The following SNTG1 variants were observed in gnomAD, a reference collection of about 807,000 sequenced individuals.
SNTG1 encodes gamma-1-syntrophin.
Under a neutral mutation model 74.7 loss-of-function variants are expected in SNTG1, and 39 were observed. That is an observed-to-expected ratio of 0.52 (90% CI 0.40 to 0.68). The LOEUF (loss-of-function observed/expected upper bound fraction) is 0.68, where lower values mean the gene tolerates loss of function less well. Ranked by LOEUF, SNTG1 falls within the 30% of genes least tolerant of loss-of-function variation. The probability of loss-of-function intolerance (pLI) is 0.00; values close to 1 mark genes in which losing one functional copy is unlikely to be tolerated. For synonymous variants in SNTG1, 254 were observed against 217.1 expected (o/e 1.17, Z -1.49); for missense variants, 685 against 609.5 (o/e 1.12, Z -1.30).
At chr8:50,194,506 T>C (rs2131805263) in intron 2 of SNTG1, among the ~76,000 whole-genome samples, 1 of 152,284 alleles carries the variant, frequency 6.6e-6, no homozygotes, top group Non-Finnish European at 1.5e-5. Context: ...GTGGTGTCAG[T>C]TGTAATATCT....
chr8:50,562,359 G>C (rs2094493402), intron 12 of SNTG1, among the ~76,000 whole-genome samples: 1 of 152,218 alleles, frequency 6.6e-6, no homozygotes, highest in Non-Finnish European at 1.5e-5. Flanking sequence ...TTCTCTACAA[G>C]TGTAAGAAGT....
At chr8:49,946,770 C>G (rs538325681) in intron 1 of SNTG1, among the ~76,000 whole-genome samples, 1 of 152,054 alleles carries the variant, frequency 6.6e-6, no homozygotes, top group African/African-American at 2.4e-5. Flanking sequence ...TAGACAAAAT[C>G]TAAATCATGA....
rs140101176 is a variant in SNTG1 at position 50,768,882 on chromosome 8, A to G, written c.1395+16771A>G. On this transcript the variant is annotated intron_variant, in intron 18 of 18. Transcript: ENST00000642720. ...CATTTGTGCAGGTGTGTGTTTGTGT[A>G]TAACTTCCATAATAGCTTATTTTAT... Among the ~76,000 whole-genome samples, 66 of 152,144 alleles carry G rather than the reference A, an allele frequency of 4.3e-4. No homozygotes were observed. In the East Asian group the frequency reaches 6.8e-3, roughly 16 times the overall value.
At chr8:50,187,025 T>G (rs1363820181) in intron 2 of SNTG1, among the ~76,000 whole-genome samples, 2 of 152,118 alleles carry the variant, frequency 1.3e-5, no homozygotes, top group Non-Finnish European at 2.9e-5. Flanking sequence ...GGTTTTACAT[T>G]TAAGTCTTTA....
At chr8:50,467,147 A>G (rs2093614931) in intron 8 of SNTG1, among the ~76,000 whole-genome samples, 3 of 151,874 alleles carry the variant, frequency 2.0e-5, no homozygotes, top group African/African-American at 7.2e-5. Context: ...GCTTTTAAAA[A>G]CTTTTGTGGG....
At chr8:50,598,560 G>A (rs1052632811) in intron 13 of SNTG1, among the ~76,000 whole-genome samples, 1 of 151,744 alleles carries the variant, frequency 6.6e-6, no homozygotes, top group African/African-American at 2.4e-5. Flanking sequence ...TTGACTACTG[G>A]GAGTCTTTTA....
intron 1 of SNTG1, among the ~76,000 whole-genome samples, chr8:49,942,851 C>T (rs889499229): frequency 1.6e-4 from 24 of 152,138 alleles, no homozygotes; most frequent in African/African-American, 2.7e-4. Flanking sequence ...AATGTTTGTC[C>T]GGTTTCTCCT....
chr8:50,205,313 A>AT (rs2084169567), intron 2 of SNTG1, among the ~76,000 whole-genome samples: 1 of 152,198 alleles, frequency 6.6e-6, no homozygotes, highest in Non-Finnish European at 1.5e-5. Flanking sequence ...CATTTCTCTG[A>AT]TGGCCAATGA....
At chr8:50,621,741 GC>G (rs1475080823) in intron 13 of SNTG1, among the ~76,000 whole-genome samples, 3 of 152,086 alleles carry the variant, frequency 2.0e-5, no homozygotes, top group African/African-American at 7.2e-5. Flanking sequence ...CACATAGATA[GC>G]TTTTATTGAT....
chr8:50,436,473 G>A (rs753246176), intron 4 of SNTG1, among the ~76,000 whole-genome samples: 1 of 152,062 alleles, frequency 6.6e-6, no homozygotes, highest in Non-Finnish European at 1.5e-5. Context: ...ATGTGTGTGT[G>A]TAAATACTAA....
intron 15 of SNTG1, 115 bp downstream of exon 15, chr8:50,658,778 T>A: frequency 1.5e-6 from 1 of 658,460 alleles, no homozygotes; most frequent in Non-Finnish European, 2.6e-6. Flanking sequence ...AGAGACACGA[T>A]AAAGACAAAT....
At chr8:50,253,850 TC>T (rs1288706583) in intron 2 of SNTG1, among the ~76,000 whole-genome samples, 3 of 146,280 alleles carry the variant, frequency 2.1e-5, no homozygotes, top group African/African-American at 7.7e-5. Flanking sequence ...CCATGTAGAA[TC>T]TAAAAAAAAA....
chr8:49,922,885 A>T (rs1460883833), intron 1 of SNTG1, among the ~76,000 whole-genome samples: 1 of 152,150 alleles, frequency 6.6e-6, no homozygotes, highest in Non-Finnish European at 1.5e-5. Context: ...TGAACCTACT[A>T]CATGTAACTG....
intron 13 of SNTG1, chr8:50,644,050 A>T (rs1213978187): frequency 7.2e-5 from 11 of 152,276 alleles, no homozygotes; most frequent in Admixed American, 7.2e-4. Context: ...AGGGAATCCA[A>T]CTGTGAGACA....
chr8:50,083,748 T>C (rs972470911), intron 1 of SNTG1, among the ~76,000 whole-genome samples: 1 of 152,290 alleles, frequency 6.6e-6, no homozygotes. Context: ...TGTGATATAG[T>C]CCTGTTTCCT....
At chr8:50,281,092 T>A (rs901335249) in intron 2 of SNTG1, among the ~76,000 whole-genome samples, 11 of 151,976 alleles carry the variant, frequency 7.2e-5, no homozygotes, top group Admixed American at 1.3e-4. Flanking sequence ...AAGACAGAAC[T>A]GCAAGACTAT....
intron 4 of SNTG1, among the ~76,000 whole-genome samples, chr8:50,430,978 C>T (rs906620155): frequency 1.3e-5 from 2 of 152,148 alleles, no homozygotes; most frequent in Non-Finnish European, 1.5e-5. Context: ...TTCCTTTAGC[C>T]TTTCATCTTT....
At chr8:50,039,181 C>T (rs983584340) in intron 1 of SNTG1, among the ~76,000 whole-genome samples, 7 of 151,910 alleles carry the variant, frequency 4.6e-5, no homozygotes, top group Admixed American at 1.3e-4. Context: ...TTAGGCTGGG[C>T]GTGGTGGCTC....
At chr8:50,252,211 G>A (rs1005544924) in intron 2 of SNTG1, among the ~76,000 whole-genome samples, 11 of 151,844 alleles carry the variant, frequency 7.2e-5, no homozygotes, top group Non-Finnish European at 1.6e-4. Context: ...AACAAAAGCA[G>A]TTCTATAAGA....
Sources: gnomAD v4.1 joint callset for allele counts (sites outside exome capture counted in the v4.1 genomes callset) on GRCh38, gnomAD v4.1.1 for gene constraint, MANE v1.5 for transcripts, NCBI Gene and HGNC (gene_info 2026-07-23, HGNC 2026-07-21) for gene names.